Variants in CDK6 observed in about 807,000 individuals in gnomAD.
CDK6 encodes cyclin-dependent kinase 6.
CDK6 carries 6 observed loss-of-function variants against 37.1 expected under a neutral mutation model. The ratio of observed to expected loss-of-function variants is 0.16; its 90% CI spans 0.09 to 0.32. CDK6 has a LOEUF of 0.32. Ranked by LOEUF, CDK6 falls within the 10% of genes least tolerant of loss-of-function variation. The probability of loss-of-function intolerance (pLI) is 1.00; values close to 1 mark genes in which losing one functional copy is unlikely to be tolerated. For synonymous variants in CDK6, 160 were observed against 161.3 expected (o/e 0.99, Z 0.06); for missense variants, 224 against 418.9 (o/e 0.53, Z 4.06).
Position 92,607,642 on chromosome 7 carries a change from C to T in CDK6, c.*7498G>A, listed in dbSNP as rs1350751964. 8.6e-6 allele frequency: 2 copies of T among 232,182 alleles called. No homozygotes were observed. Among genetic ancestry groups the T allele is most frequent in the Non-Finnish European group, 1.7e-5 (2 of 117,606 alleles). 14.4% of individuals were successfully genotyped at this position (232,182 alleles called of 1,614,324 possible). On this transcript the variant is annotated 3_prime_UTR_variant, in exon 8 of 8. Transcript: ENST00000424848. ...CTTTCTGCCTTCAGTTGTACTTTCACAGGACTAGTGTGATTCAGAAATAAA... is the reference window on the plus strand; with the variant it reads ...CTTTCTGCCTTCAGTTGTACTTTCATAGGACTAGTGTGATTCAGAAATAAA...
At chr7:92,805,476 A>C (rs1029144587) in intron 2 of CDK6, among the ~76,000 whole-genome samples, 1 of 152,160 alleles carries the variant, frequency 6.6e-6, no homozygotes, top group African/African-American at 2.4e-5. Context: ...AGATGTCACT[A>C]TGGTCAAGAC....
At chr7:92,816,953 A>C (rs1562973826) in intron 2 of CDK6, among the ~76,000 whole-genome samples, 1 of 151,932 alleles carries the variant, frequency 6.6e-6, no homozygotes, top group Non-Finnish European at 1.5e-5. Flanking sequence ...CCCCAAAAAA[A>C]CCCTAGGATA....
At chr7:92,624,799 G>A (rs1795887731) in intron 5 of CDK6, among the ~76,000 whole-genome samples, 1 of 152,140 alleles carries the variant, frequency 6.6e-6, no homozygotes, top group African/African-American at 2.4e-5. Context: ...CTAGTGCCAA[G>A]TGCCCCAAAC....
At position 92,606,488 on chromosome 7, in the gene CDK6, T is replaced by C. The variant is rs1795431081; in HGVS notation, c.*8652A>G. ...CACTTTAGTGGTAGAAAGGAAGAGA[T>C]ACAGGGGACAGAGATGTAGAGGTGT... is the stretch of plus-strand genomic sequence containing the variant. On this transcript the variant is annotated 3_prime_UTR_variant, in exon 8 of 8. Coordinates refer to ENST00000424848, the MANE Select transcript of CDK6 (RefSeq NM_001145306.2). The C allele has an allele frequency of 4.3e-6, 1 of 233,302 alleles. No homozygotes were observed. Among genetic ancestry groups the C allele is most frequent in the Non-Finnish European group, 8.5e-6 (1 of 118,110 alleles). The allele number at this position is 233,302 out of a possible 1,614,324, so 14.5% of individuals were successfully genotyped here.
intron 5 of CDK6, among the ~76,000 whole-genome samples, chr7:92,636,531 A>G (rs906031848): frequency 5.8e-4 from 89 of 152,306 alleles, no homozygotes; most frequent in African/African-American, 2.0e-3. Context: ...TTGATTTTAT[A>G]ACTATAAGAG....
rs1273698650 is a variant in CDK6, at chr7:92,680,947, T to C, written c.538-9412A>G. Among the ~76,000 whole-genome samples, 6 of 152,340 alleles carry C rather than the reference T, an allele frequency of 3.9e-5. No homozygotes were observed. In the South Asian group the frequency reaches 1.0e-3, roughly 26 times the overall value. On this transcript the variant is annotated intron_variant, in intron 4 of 7. Coordinates refer to ENST00000424848, the MANE Select transcript of CDK6 (RefSeq NM_001145306.2). ...GTACTTGACCCTTTCTATCTTGCAT[T>C]ATAGCTTTTCCATTTCTTGGCCACA... is the stretch of plus-strand genomic sequence containing the variant.
At chr7:92,635,317 C>G (rs899885042) in intron 5 of CDK6, among the ~76,000 whole-genome samples, 1 of 152,140 alleles carries the variant, frequency 6.6e-6, no homozygotes, top group Non-Finnish European at 1.5e-5. Context: ...GGGAGAAGCA[C>G]TTTACCACAT....
chr7:92,649,171 C>T (rs1319920164), intron 5 of CDK6, among the ~76,000 whole-genome samples: 3 of 152,132 alleles, frequency 2.0e-5, no homozygotes, highest in African/African-American at 4.8e-5. Flanking sequence ...AACCTTTAAG[C>T]TCGTGTTTCC....
At chr7:92,721,541 C>T (rs1798364524) in intron 4 of CDK6, among the ~76,000 whole-genome samples, 1 of 152,182 alleles carries the variant, frequency 6.6e-6, no homozygotes, top group African/African-American at 2.4e-5. Flanking sequence ...GTATAATACT[C>T]TGTATGGGTA....
At chr7:92,697,714 G>A (rs3731325) in intron 4 of CDK6, among the ~76,000 whole-genome samples, 119 of 152,214 alleles carry the variant, frequency 7.8e-4, no homozygotes, top group South Asian at 7.5e-3. Flanking sequence ...GGGACTCCAA[G>A]GCATGTCAAT....
At chr7:92,694,518 A>C (rs766646905) in intron 4 of CDK6, among the ~76,000 whole-genome samples, 2 of 152,230 alleles carry the variant, frequency 1.3e-5, no homozygotes, top group Non-Finnish European at 2.9e-5. Flanking sequence ...TTGTGATTCC[A>C]TAAAGCAAAA....
chr7:92,706,243 T>G (rs1363145536), intron 4 of CDK6, among the ~76,000 whole-genome samples: 1 of 152,182 alleles, frequency 6.6e-6, no homozygotes, highest in African/African-American at 2.4e-5. Context: ...AACATTAAAA[T>G]GCTCATTTTG....
chr7:92,749,915 T>C (rs1036497222), intron 3 of CDK6, among the ~76,000 whole-genome samples: 1 of 152,142 alleles, frequency 6.6e-6, no homozygotes, highest in Non-Finnish European at 1.5e-5. Flanking sequence ...CAATTCTTCA[T>C]GGAGAAAAAA....
chr7:92,743,855 T>C (rs1281050659), intron 3 of CDK6, among the ~76,000 whole-genome samples: 9 of 152,094 alleles, frequency 5.9e-5, no homozygotes, highest in Admixed American at 5.9e-4. Context: ...TTATATGAAA[T>C]AAGTCAGTGT....
chr7:92,834,824 A>G lies in CDK6; in HGVS notation c.-367-1134T>C, dbSNP rs36227869. 2.3e-4 allele frequency among the ~76,000 whole-genome samples: 35 copies of G among 152,132 alleles called. No homozygotes were observed. The highest frequency in any genetic ancestry group is 1.5e-3 in the South Asian group (7 of 4,824). ...TGGCTGCCCCATTCCCCCTCCGGCTAAAGGCCCGGTCCAGTCTGCAGCCGG... is the reference window on the plus strand; with the variant it reads ...TGGCTGCCCCATTCCCCCTCCGGCTGAAGGCCCGGTCCAGTCTGCAGCCGG... On this transcript the variant is annotated intron_variant, in intron 1 of 7. Transcript: ENST00000424848. The surrounding 1 kb of genome is among the most constrained non-coding windows in gnomAD (Gnocchi z 4.6).
intron 4 of CDK6, among the ~76,000 whole-genome samples, chr7:92,689,228 C>A (rs1208264023): frequency 1.3e-5 from 2 of 152,108 alleles, no homozygotes; most frequent in Non-Finnish European, 2.9e-5. Flanking sequence ...ATTATTTTTC[C>A]TGATCCTTTC....
chr7:92,710,704 G>A (rs188792093), intron 4 of CDK6: 68 of 985,230 alleles, frequency 6.9e-5, no homozygotes, highest in Non-Finnish European at 7.7e-5. Flanking sequence ...GAATTGCCTA[G>A]GAAAGGAGAA....
At chr7:92,773,400 A>T (rs1799767522) in intron 3 of CDK6, among the ~76,000 whole-genome samples, 1 of 152,218 alleles carries the variant, frequency 6.6e-6, no homozygotes, top group Admixed American at 6.5e-5. Flanking sequence ...ATCACAGATC[A>T]TACCAAGAGA....
intron 3 of CDK6, among the ~76,000 whole-genome samples, chr7:92,760,941 G>T (rs1799439932): frequency 6.6e-6 from 1 of 151,904 alleles, no homozygotes; most frequent in African/African-American, 2.4e-5. Flanking sequence ...TTATTTGGGA[G>T]GTTGAGCATT....
Sources: gnomAD v4.1 joint callset for allele counts (sites outside exome capture counted in the v4.1 genomes callset) on GRCh38, gnomAD v4.1.1 for gene constraint, Gnocchi (gnomAD v3.1) non-coding constraint, MANE v1.5 for transcripts, NCBI Gene and HGNC (gene_info 2026-07-23, HGNC 2026-07-21) for gene names.